Variants in UNC80 observed in about 807,000 individuals in gnomAD.
UNC80 encodes the protein protein unc-80 homolog.
A neutral mutation model predicts 384.6 loss-of-function variants in UNC80; 164 were observed. The observed-to-expected ratio is 0.43, with a 90% CI of 0.38 to 0.49. The LOEUF is 0.49. Ranked by LOEUF, UNC80 falls within the 20% of genes least tolerant of loss-of-function variation. The pLI, the probability that UNC80 is intolerant of heterozygous loss-of-function variation, is 0.00. For synonymous variants in UNC80, 1,486 were observed against 1,527.8 expected, an observed-to-expected ratio of 0.97 and a Z score of 0.64; for missense variants, 3,330 against 4,143.0, an observed-to-expected ratio of 0.80 and a Z score of 5.39.
At chr2:209,945,351 AT>A (rs966622786) in intron 46 of UNC80, among the ~76,000 whole-genome samples, 162 bp downstream of exon 46, 19 of 152,046 alleles carry the variant, frequency 1.2e-4, no homozygotes, top group Admixed American at 2.0e-4. Flanking sequence ...GAATGAGTAC[AT>A]TTTTTTTCTT....
intron 18 of UNC80, among the ~76,000 whole-genome samples, chr2:209,838,087 G>A (rs975251395): frequency 6.6e-6 from 1 of 151,948 alleles, no homozygotes; most frequent in Non-Finnish European, 1.5e-5. Flanking sequence ...CTACATCTTA[G>A]TACGTTGTCC....
intron 23 of UNC80, among the ~76,000 whole-genome samples, chr2:209,875,907 A>G (rs1192099308): frequency 6.6e-6 from 1 of 152,208 alleles, no homozygotes; most frequent in African/African-American, 2.4e-5. Flanking sequence ...GGGTACAAGC[A>G]GTTTTTGACC....
intron 29 of UNC80, among the ~76,000 whole-genome samples, chr2:209,912,149 T>G (rs1466669453): frequency 6.6e-6 from 1 of 152,216 alleles, no homozygotes. Context: ...GACTATTGGA[T>G]AGAGTGGATT....
chr2:209,993,418 A>G lies in UNC80; in HGVS notation c.9500A>G (p.Lys3167Arg), dbSNP rs1470134000. ...TTRRSIQPKTKPSADQKRSVT... is the reference protein window; with the variant it reads ...TTRRSIQPKTRPSADQKRSVT... Reference sequence around the variant, plus strand: ...CGCAGGAGCATTCAACCTAAAACGAAGCCGTCTGGTGAGGCCTCCTGTGTC... The same window carrying G: ...CGCAGGAGCATTCAACCTAAAACGAGGCCGTCTGGTGAGGCCTCCTGTGTC... Residue 3167 changes from lysine (K) to arginine (R), a missense_variant, in exon 63 of 65, where the codon AAG (lysine) becomes AGG (arginine). By Grantham distance (26) the Lys-to-Arg change is conservative (BLOSUM62 2). Transcript: ENST00000673920. 1.3e-6 allele frequency: 2 copies of G among 1,551,474 alleles called. No individual in the cohort carries two copies. Among genetic ancestry groups the G allele is most frequent in the Non-Finnish European group, 8.7e-7 (1 of 1,146,866 alleles).
rs1001678796 is a variant in UNC80 at position 209,934,039 on chromosome 2, T to A, written c.6178+34T>A. 2.1e-4 allele frequency: 313 copies of A among 1,471,872 alleles called. No homozygotes were observed. The Middle Eastern group carries it at 2.2e-3, about 10-fold the overall frequency. 91.2% of individuals were successfully genotyped at this position (1,471,872 alleles called of 1,614,324 possible). ...CTACTACTTTTTAGTAACATAACTTTAAAAAAAAATTATAAATAGCCCTTT... is the reference window on the plus strand; with the variant it reads ...CTACTACTTTTTAGTAACATAACTTAAAAAAAAAATTATAAATAGCCCTTT... On this transcript the variant is annotated intron_variant, in intron 39 of 64. Transcript: ENST00000673920.
chr2:209,921,370 T>A, intron 33 of UNC80, 130 bp from the exon 34 acceptor site: 1 of 901,482 alleles, frequency 1.1e-6, no homozygotes, highest in Non-Finnish European at 1.6e-6. Flanking sequence ...TCCATGAAAC[T>A]GGATCATGGG....
intron 7 of UNC80, chr2:209,809,510 C>A (rs756365498): frequency 5.3e-6 from 6 of 1,132,548 alleles, no homozygotes; most frequent in Admixed American, 1.7e-5. Flanking sequence ...CAGGCGTGCG[C>A]TCGAACCTTC....
intron 5 of UNC80, among the ~76,000 whole-genome samples, chr2:209,786,989 A>ATATATATATATATATATATATACC (rs2077472772): frequency 3.2e-4 from 1 of 3,092 alleles, no homozygotes; most frequent in Non-Finnish European, 8.9e-3. Flanking sequence ...GCATATATAT[A>ATATATATATATATATATATATACC]TATATATATA....
intron 5 of UNC80, among the ~76,000 whole-genome samples, chr2:209,788,157 C>T (rs2153825384): frequency 6.6e-6 from 1 of 152,300 alleles, no homozygotes; most frequent in South Asian, 2.1e-4. Flanking sequence ...TGGCTCACGC[C>T]TGTAATCCCA....
At position 209,888,110 on chromosome 2, in the gene UNC80, A is replaced by C; in HGVS notation, c.4126A>C (p.Arg1376=). The C allele has an allele frequency of 1.3e-6, 2 of 1,551,706 alleles. No individual in the cohort carries two copies. Among genetic ancestry groups the C allele is most frequent in the Non-Finnish European group, 1.7e-6 (2 of 1,146,982 alleles). The change falls in exon 26 of 65, where the codon AGA becomes CGA. Residue 1376 remains arginine, a synonymous_variant. Transcript: ENST00000673920. ...TEPLVDLESC[R]LRLDPELDRH... is the part of the protein sequence containing the mutation. ...GGCATTTTAGGACTTGGAGAGCTGC[A>C]GACTTCGTTTGGATCCCGAGTTGGA...
chr2:209,979,758 G>T (rs964864398), intron 59 of UNC80, among the ~76,000 whole-genome samples: 1 of 152,084 alleles, frequency 6.6e-6, no homozygotes. Context: ...CTGATATAAC[G>T]TTTATAGCAA....
chr2:209,995,516 C>T lies in UNC80; in HGVS notation c.9896C>T (p.Pro3299Leu), dbSNP rs745926684. The T allele has an allele frequency of 1.0e-5, 16 of 1,551,736 alleles. No homozygotes were observed. The highest frequency in any genetic ancestry group is 3.6e-5 in the South Asian group (3 of 84,062). Residue 3299 changes from proline to leucine, a missense_variant, in exon 65 of 65, where the codon CCG becomes CTG. This residue lies in a region of UNC80 where 236 missense variants were observed against 254.9 expected (regional missense o/e 0.93). Transcript: ENST00000673920. Reference sequence around the variant, plus strand: ...AGTGAGGAAAATGGCATGGAGAACCCGCTACTATCTAGTCAGTTCACCTTT... The same window carrying T: ...AGTGAGGAAAATGGCATGGAGAACCTGCTACTATCTAGTCAGTTCACCTTT... ...HISEENGMEN[P>L]LLSSQFTFTP...
At chr2:209,877,816 C>A in intron 23 of UNC80, 138 bp from the exon 24 acceptor site, 2 of 943,816 alleles carry the variant, frequency 2.1e-6, no homozygotes, top group Non-Finnish European at 2.9e-6. Context: ...ATGGTGGAAA[C>A]AACACTGTGG....
chr2:209,830,026 C>T (rs2080840639), intron 15 of UNC80, among the ~76,000 whole-genome samples: 1 of 152,180 alleles, frequency 6.6e-6, no homozygotes. Context: ...CAAAGACTGG[C>T]AGTCCAGTGT....
chr2:209,872,685 A>G lies in UNC80; in HGVS notation c.3628-73A>G. 7.6e-7 allele frequency: 1 copy of G among 1,309,408 alleles called. No individual in the cohort carries two copies. The highest frequency in any genetic ancestry group is 2.0e-5 in the Admixed American group (1 of 49,742). The allele number at this position is 1,309,408 out of a possible 1,614,324, so 81.1% of individuals were successfully genotyped here. A position where few individuals can be genotyped will look rare whatever the true frequency, so the allele number is the denominator to read the frequency against. ...GAAAATAAACTAAAAATACACAGTAATTCCCTTTAAGACCAATTTAAAGTT... is the reference window on the plus strand; with the variant it reads ...GAAAATAAACTAAAAATACACAGTAGTTCCCTTTAAGACCAATTTAAAGTT... On this transcript the variant is annotated intron_variant, in intron 22 of 64. Coordinates refer to ENST00000673920, the MANE Select transcript of UNC80 (RefSeq NM_001371986.1). The surrounding 1 kb of genome is among the most constrained non-coding windows in gnomAD (Gnocchi z 4.1).
At chr2:209,885,583 G>A (rs1241333503) in intron 25 of UNC80, among the ~76,000 whole-genome samples, 2 of 151,948 alleles carry the variant, frequency 1.3e-5, no homozygotes, top group Non-Finnish European at 2.9e-5. Flanking sequence ...TTCTCAAAGG[G>A]ATTAATTTCA....
chr2:209,823,514 G>C (rs952766751), intron 13 of UNC80, among the ~76,000 whole-genome samples: 3 of 151,930 alleles, frequency 2.0e-5, no homozygotes. Flanking sequence ...CTCTGCTTTC[G>C]GAACCACTCA....
intron 55 of UNC80, among the ~76,000 whole-genome samples, chr2:209,972,604 T>C (rs959846045): frequency 6.6e-6 from 1 of 152,188 alleles, no homozygotes; most frequent in Non-Finnish European, 1.5e-5. Flanking sequence ...GTTGAGAAAA[T>C]GGTATTCGTT....
intron 36 of UNC80, among the ~76,000 whole-genome samples, chr2:209,928,229 A>G (rs1383671836): frequency 2.0e-5 from 3 of 152,052 alleles, no homozygotes; most frequent in African/African-American, 7.2e-5. Context: ...CCAGCTACTC[A>G]TGAGGCTGAG....
Sources: gnomAD v4.1 joint callset for allele counts (sites outside exome capture counted in the v4.1 genomes callset) on GRCh38, gnomAD v4.1.1 for gene constraint, gnomAD v4.1.1 regional missense constraint, Gnocchi (gnomAD v3.1) non-coding constraint, MANE v1.5 for transcripts, NCBI Gene and HGNC (gene_info 2026-07-23, HGNC 2026-07-21) for gene names.